CTNNA1: variants seen among roughly 807,000 people sequenced by gnomAD.
CTNNA1 encodes the protein catenin alpha 1, also known as catenin alpha-1.
CTNNA1 carries 37 observed loss-of-function variants against 98.4 expected under a neutral mutation model. The observed-to-expected ratio is 0.38, with a 90% CI of 0.29 to 0.49. The LOEUF is 0.49. Among genes scored for constraint, CTNNA1 ranks in the 20% least tolerant of loss-of-function variants. CTNNA1 has a pLI of 0.95. For missense variants in CTNNA1, 761 were observed against 1,147.2 expected, an observed-to-expected ratio of 0.66 and a Z score of 4.86; for synonymous variants, 404 against 413.2, an observed-to-expected ratio of 0.98 and a Z score of 0.27.
intron 13 of CTNNA1, among the ~76,000 whole-genome samples, chr5:138,928,559 T>TA (rs541452241): frequency 1.7e-3 from 255 of 151,286 alleles, no homozygotes; most frequent in Non-Finnish European, 2.3e-3. Flanking sequence ...CCTCTATTTT[T>TA]AAGTCAGTAC....
chr5:138,767,402 A>G (rs1458854941), intron 1 of CTNNA1, among the ~76,000 whole-genome samples: 1 of 151,738 alleles, frequency 6.6e-6, no homozygotes, highest in Non-Finnish European at 1.5e-5. Flanking sequence ...TTTTTCACTC[A>G]CTGTGGTTGC....
intron 7 of CTNNA1, among the ~76,000 whole-genome samples, chr5:138,847,758 A>G (rs983179948): frequency 6.6e-6 from 1 of 152,208 alleles, no homozygotes; most frequent in African/African-American, 2.4e-5. Context: ...TGCTGCCCCA[A>G]GTAAACTTTT....
intron 3 of CTNNA1, among the ~76,000 whole-genome samples, chr5:138,786,885 G>T (rs961829554): frequency 1.4e-4 from 22 of 152,168 alleles, no homozygotes; most frequent in African/African-American, 5.3e-4. Context: ...AATTTCTTAG[G>T]CAGCAAAAGA....
chr5:138,784,776 C>T (rs1278309065), intron 3 of CTNNA1, among the ~76,000 whole-genome samples: 1 of 152,096 alleles, frequency 6.6e-6, no homozygotes, highest in Non-Finnish European at 1.5e-5. Flanking sequence ...TGGTGGTTGC[C>T]AGCAATTCTT....
chr5:138,903,308 T>G (rs1758495400), intron 9 of CTNNA1, among the ~76,000 whole-genome samples: 1 of 152,192 alleles, frequency 6.6e-6, no homozygotes, highest in African/African-American at 2.4e-5. Flanking sequence ...GTGCTTAAGT[T>G]GGGCGGAGGA....
intron 7 of CTNNA1, among the ~76,000 whole-genome samples, chr5:138,863,120 C>T (rs946122894): frequency 2.0e-5 from 3 of 151,736 alleles, no homozygotes; most frequent in African/African-American, 4.8e-5. Flanking sequence ...TGCTGTGCAA[C>T]TTAACTTGCC....
chr5:138,806,079 G>A (rs1171542778), intron 3 of CTNNA1, among the ~76,000 whole-genome samples: 1 of 152,128 alleles, frequency 6.6e-6, no homozygotes, highest in African/African-American at 2.4e-5. Flanking sequence ...TGAGATAGGG[G>A]TCCAACTTAA....
intron 3 of CTNNA1, among the ~76,000 whole-genome samples, chr5:138,802,233 T>C (rs1757651105): frequency 6.6e-6 from 1 of 152,218 alleles, no homozygotes; most frequent in African/African-American, 2.4e-5. Context: ...TTTATAATGT[T>C]TTAATTTAGT....
intron 1 of CTNNA1, among the ~76,000 whole-genome samples, chr5:138,763,164 A>C (rs1295860492): frequency 6.6e-6 from 1 of 152,142 alleles, no homozygotes; most frequent in Non-Finnish European, 1.5e-5. Flanking sequence ...GTTAATTACC[A>C]AGTTACATAA....
chr5:138,932,737 G>A, intron 17 of CTNNA1, 25 bp downstream of exon 17: 1 of 1,613,600 alleles, frequency 6.2e-7, no homozygotes, highest in East Asian at 2.2e-5. Context: ...AACAAAAAGA[G>A]GGCCAGTGGG....
Position 138,757,740 on chromosome 5 carries a change from T to C in CTNNA1, c.-3+4230T>C, listed in dbSNP as rs931954569. 4.9e-5 allele frequency among the ~76,000 whole-genome samples: 7 copies of C among 142,658 alleles called. No individual in the cohort carries two copies. The East Asian group carries it at 1.5e-3, about 31-fold the overall frequency. 93.6% of individuals were successfully genotyped at this position (142,658 alleles called of 152,430 possible). A position where few individuals can be genotyped will look rare whatever the true frequency, so the allele number is the denominator to read the frequency against. On this transcript the variant is annotated intron_variant, in intron 1 of 17. Coordinates refer to ENST00000302763, the MANE Select transcript of CTNNA1 (RefSeq NM_001903.5). ...CAGGAACTGAGAGTCTTAGTTCTTG[T>C]CTTGGTGCTTAGTACCTGGCATGGA...
intron 7 of CTNNA1, among the ~76,000 whole-genome samples, chr5:138,859,119 C>T (rs1252886338): frequency 1.3e-5 from 2 of 152,192 alleles, no homozygotes; most frequent in African/African-American, 2.4e-5. Context: ...AAATGGTATA[C>T]ATGTGTATTC....
At chr5:138,774,905 G>A (rs1976562) in intron 1 of CTNNA1, among the ~76,000 whole-genome samples, 112,842 of 152,118 alleles carry the variant, frequency 0.74, 42,107 homozygotes, top group East Asian at 0.99. Context: ...CACCGCGCCC[G>A]TCCTGTGCCA....
chr5:138,828,088 A>G (rs1561569083), intron 7 of CTNNA1: 1 of 197,356 alleles, frequency 5.1e-6, no homozygotes, highest in Admixed American at 5.2e-5. Context: ...AGACATTGTG[A>G]TGCTTCACCT....
intron 3 of CTNNA1, among the ~76,000 whole-genome samples, chr5:138,793,561 T>G (rs1756598789): frequency 6.6e-6 from 1 of 152,258 alleles, no homozygotes; most frequent in African/African-American, 2.4e-5. Flanking sequence ...TATTACTGCC[T>G]TAATATATTT....
chr5:138,834,441 A>G (rs748694144), intron 7 of CTNNA1, among the ~76,000 whole-genome samples: 1 of 152,134 alleles, frequency 6.6e-6, no homozygotes, highest in Non-Finnish European at 1.5e-5. Context: ...TGCTTACCAT[A>G]TGCCAGCCAT....
In CTNNA1 at chr5:138,873,379, G is replaced by C; in HGVS notation, c.1063-12833G>C. 2 of 1,613,998 alleles carry C rather than the reference G, an allele frequency of 1.2e-6. No individual in the cohort carries two copies. The highest frequency in any genetic ancestry group is 1.7e-6 in the Non-Finnish European group (2 of 1,179,866). ...TGCCTGCAGTAGTTGGGATTTCTTT[G>C]TCTCCCACATGGTAACTTGATGAGC... On this transcript the variant is annotated intron_variant, in intron 7 of 17. Transcript: ENST00000302763. This position sits in a 1 kb window ranked among gnomAD's most constrained non-coding sequence, Gnocchi z 6.1.
chr5:138,794,755 G>A (rs917631074), intron 3 of CTNNA1, among the ~76,000 whole-genome samples: 1 of 152,196 alleles, frequency 6.6e-6, no homozygotes, highest in Non-Finnish European at 1.5e-5. Context: ...ATGGGATGGG[G>A]TAGGAAACAT....
At chr5:138,849,700 C>T (rs1322571163) in intron 7 of CTNNA1, among the ~76,000 whole-genome samples, 1 of 152,138 alleles carries the variant, frequency 6.6e-6, no homozygotes, top group Non-Finnish European at 1.5e-5. Flanking sequence ...TTATTTGCTT[C>T]AGAAAACTAA....
Sources: allele counts gnomAD v4.1 joint callset (sites outside exome capture counted in the v4.1 genomes callset), GRCh38; gene constraint gnomAD v4.1.1; non-coding constraint Gnocchi (gnomAD v3.1); transcripts MANE v1.5; gene names NCBI Gene and HGNC (gene_info 2026-07-23, HGNC 2026-07-21).